RTN3: variants seen among roughly 807,000 people sequenced by gnomAD.
The protein encoded by RTN3 is reticulon-3.
RTN3 carries 49 observed loss-of-function variants against 77.8 expected under a neutral mutation model. That is an observed-to-expected ratio of 0.63 (90% CI 0.50 to 0.80). The LOEUF (loss-of-function observed/expected upper bound fraction) is 0.80, where lower values mean the gene tolerates loss of function less well. Among genes scored for constraint, RTN3 ranks in the 30% least tolerant of loss-of-function variants. The probability of loss-of-function intolerance (pLI) is 0.00; values close to 1 mark genes in which losing one functional copy is unlikely to be tolerated. For missense variants in RTN3, 1,236 were observed against 1,211.9 expected (o/e 1.02, Z -0.29); for synonymous variants, 464 against 446.9 (o/e 1.04, Z -0.48).
At chr11:63,685,230 C>T (rs1200680658) in intron 1 of RTN3, among the ~76,000 whole-genome samples, 1 of 151,978 alleles carries the variant, frequency 6.6e-6, no homozygotes, top group Non-Finnish European at 1.5e-5. Flanking sequence ...CACGCTTGCT[C>T]ACTCCTGTAA....
intron 3 of RTN3, among the ~76,000 whole-genome samples, chr11:63,735,470 G>C (rs1472046643): frequency 6.6e-6 from 1 of 151,310 alleles, no homozygotes; most frequent in Non-Finnish European, 1.5e-5. Flanking sequence ...TGAATTGGAA[G>C]ACTCAGTGTT....
At chr11:63,706,249 T>C (rs1006498132) in intron 2 of RTN3, among the ~76,000 whole-genome samples, 4 of 152,152 alleles carry the variant, frequency 2.6e-5, no homozygotes, top group African/African-American at 4.8e-5. Flanking sequence ...TGGCACTTCA[T>C]TGAATTCATA....
At chr11:63,714,106 A>G (rs1367991103) in intron 2 of RTN3, 1 of 482,200 alleles carries the variant, frequency 2.1e-6, no homozygotes, top group East Asian at 5.9e-5. Flanking sequence ...GCCTTTATAA[A>G]CTTTTTACTT....
At chr11:63,687,601 C>G (rs1013410801) in intron 1 of RTN3, among the ~76,000 whole-genome samples, 2 of 149,334 alleles carry the variant, frequency 1.3e-5, no homozygotes, top group African/African-American at 2.5e-5. Context: ...CAGGGTGAGA[C>G]TCCATCTAAA....
At chr11:63,754,084 G>C (rs2014240109) in intron 7 of RTN3, among the ~76,000 whole-genome samples, 1 of 151,896 alleles carries the variant, frequency 6.6e-6, no homozygotes, top group Admixed American at 6.6e-5. Flanking sequence ...GAGCCCAGGA[G>C]CTCAAGACCA....
intron 3 of RTN3, among the ~76,000 whole-genome samples, chr11:63,742,648 A>G (rs1344577487): frequency 1.3e-5 from 2 of 152,030 alleles, no homozygotes; most frequent in African/African-American, 4.8e-5. Flanking sequence ...TCCATCACAC[A>G]CAAAAAAAAG....
chr11:63,733,126 C>A (rs889407050), intron 3 of RTN3, among the ~76,000 whole-genome samples: 1 of 151,022 alleles, frequency 6.6e-6, no homozygotes, highest in African/African-American at 2.4e-5. Context: ...ACCAGCCTGG[C>A]CAACATGGTG....
Position 63,719,026 on chromosome 11 carries a change from A to C in RTN3, c.524A>C (p.Gln175Pro), listed in dbSNP as rs758189266. 1 of 1,614,226 alleles carries C rather than the reference A, an allele frequency of 6.2e-7. No individual in the cohort carries two copies. The highest frequency in any genetic ancestry group is 8.5e-7 in the Non-Finnish European group (1 of 1,180,048). The change falls in exon 3 of 9, where the codon CAA (glutamine) becomes CCA (proline). Residue 175 changes from glutamine (Q) to proline (P), a missense_variant. Physicochemically the swap from Gln to Pro is moderately conservative, Grantham distance 76. Transcript: ENST00000377819. ...GCTTTTCTCTCAAAGAAAATTGGTC[A>C]AGTGGAAGAGCAAATAGATAAAGAG... ...HPAFLSKKIG[Q>P]VEEQIDKETK...
chr11:63,753,228 C>T, intron 6 of RTN3, 90 bp downstream of exon 6: 1 of 1,255,410 alleles, frequency 8.0e-7, no homozygotes, highest in South Asian at 1.3e-5. Flanking sequence ...TCTACTCATT[C>T]TTCATTGCCC....
At position 63,720,902 on chromosome 11, in the gene RTN3, A is replaced by C; in HGVS notation, c.2400A>C (p.Gly800=). ...YDILERNVKN[G]SDLGISQKPI... Reference sequence around the variant, plus strand: ...TCCTAGAACGTAATGTCAAGAATGGATCTGATCTTGGGATTTCCCAGAAGC... The same window carrying C: ...TCCTAGAACGTAATGTCAAGAATGGCTCTGATCTTGGGATTTCCCAGAAGC... The change falls in exon 3 of 9, where the codon GGA becomes GGC. Residue 800 remains glycine (G), a synonymous_variant. Transcript: ENST00000377819. The C allele has an allele frequency of 6.2e-7, 1 of 1,614,138 alleles. No homozygotes were observed. The highest frequency in any genetic ancestry group is 8.5e-7 in the Non-Finnish European group (1 of 1,180,032).
chr11:63,694,191 T>C (rs1457778921), intron 1 of RTN3, among the ~76,000 whole-genome samples: 1 of 152,052 alleles, frequency 6.6e-6, no homozygotes, highest in Non-Finnish European at 1.5e-5. Flanking sequence ...TTTTTTTTTT[T>C]CTGAAATGGA....
At position 63,719,688 on chromosome 11, in the gene RTN3, A is replaced by C. The variant is rs1210458133; in HGVS notation, c.1186A>C (p.Thr396Pro). 1 of 1,614,078 alleles carries C rather than the reference A, an allele frequency of 6.2e-7. No homozygotes were observed. Among genetic ancestry groups the C allele is most frequent in the Non-Finnish European group, 8.5e-7 (1 of 1,179,968 alleles). The change falls in exon 3 of 9, where the codon ACT becomes CCT. Residue 396 changes from threonine (T) to proline (P), a missense_variant. By Grantham distance (38) the Thr-to-Pro change is conservative. Coordinates refer to ENST00000377819, the MANE Select transcript of RTN3 (RefSeq NM_001265589.2). ...KTPVCSIDGS[T>P]PITKSTGDWA... ...TCCTGTATGTTCTATTGATGGGAGC[A>C]CTCCCATCACTAAATCAACAGGTGA...
At chr11:63,685,919 C>T (rs189650027) in intron 1 of RTN3, among the ~76,000 whole-genome samples, 1 of 152,218 alleles carries the variant, frequency 6.6e-6, no homozygotes, top group African/African-American at 2.4e-5. Context: ...TACTTTAGTG[C>T]CTTAGGTTCT....
chr11:63,707,867 C>T (rs948125215), intron 2 of RTN3, among the ~76,000 whole-genome samples: 4 of 152,048 alleles, frequency 2.6e-5, no homozygotes, highest in African/African-American at 7.2e-5. Flanking sequence ...GCCCTATCCT[C>T]GAATGGGTTT....
chr11:63,722,507 G>A (rs1429529837), intron 3 of RTN3, among the ~76,000 whole-genome samples: 1 of 152,172 alleles, frequency 6.6e-6, no homozygotes, highest in East Asian at 1.9e-4. Context: ...GTCAGATTTA[G>A]CACCAAATAC....
chr11:63,711,931 A>G (rs1162848114), intron 2 of RTN3, among the ~76,000 whole-genome samples: 1 of 152,180 alleles, frequency 6.6e-6, no homozygotes, highest in Non-Finnish European at 1.5e-5. Context: ...TCCTGGGCTC[A>G]AGCAATCCTC....
chr11:63,752,057 A>T (rs1381678974), intron 4 of RTN3, among the ~76,000 whole-genome samples: 1 of 152,140 alleles, frequency 6.6e-6, no homozygotes, highest in East Asian at 1.9e-4. Flanking sequence ...GTTAATTACA[A>T]ATACAAATGT....
rs762770675 is a variant in RTN3, at chr11:63,720,336, C to T, written c.1834C>T (p.Pro612Ser). ...KPITTENPKLPSTVSPNVFNE... is the reference protein window; with the variant it reads ...KPITTENPKLSSTVSPNVFNE... ...TATTACTACTGAGAACCCCAAACTT[C>T]CTTCAACAGTGTCTCCAAATGTTTT... is the stretch of plus-strand genomic sequence containing the variant. The change falls in exon 3 of 9, where the codon CCT (proline) becomes TCT (serine). Residue 612 changes from proline to serine, a missense_variant. By Grantham distance (74) the Pro-to-Ser change is moderately conservative. This residue lies in a region of RTN3 where 1,056 missense variants were observed against 990.4 expected (regional missense o/e 1.07). Coordinates refer to ENST00000377819, the MANE Select transcript of RTN3 (RefSeq NM_001265589.2). 6.2e-7 allele frequency: 1 copy of T among 1,614,036 alleles called. No homozygotes were observed. The highest frequency in any genetic ancestry group is 1.7e-5 in the Admixed American group (1 of 59,992).
In RTN3 at chr11:63,750,178, A is replaced by T; in HGVS notation, c.2718A>T (p.Ser906=). 1 of 1,612,200 alleles carries T rather than the reference A, an allele frequency of 6.2e-7. No homozygotes were observed. The highest frequency in any genetic ancestry group is 8.5e-7 in the Non-Finnish European group (1 of 1,179,012). Residue 906 remains serine, a synonymous_variant, in exon 4 of 9, where the codon TCA becomes TCT. Transcript: ENST00000377819. ...CCGTCATCCAAGCTGTACAGAAGTC[A>T]GAAGAAGGCCATCCATTCAAGTGAG... ...YKSVIQAVQK[S]EEGHPFKAYL... is the part of the protein sequence containing the mutation.
Sources: gnomAD v4.1 joint callset for allele counts (sites outside exome capture counted in the v4.1 genomes callset) on GRCh38, gnomAD v4.1.1 for gene constraint, gnomAD v4.1.1 regional missense constraint, MANE v1.5 for transcripts, NCBI Gene and HGNC (gene_info 2026-07-23, HGNC 2026-07-21) for gene names.